The following CENPP variants were observed in gnomAD, a reference collection of about 807,000 sequenced individuals.
The protein encoded by CENPP is centromere protein P.
In CENPP, 24 loss-of-function variants were observed where a neutral mutation model predicts 35.6. That is an observed-to-expected ratio of 0.67 (90% confidence interval 0.49 to 0.95). CENPP has a LOEUF of 0.95. Ranked by LOEUF, CENPP falls within the 40% of genes least tolerant of loss-of-function variation. The pLI, the probability that CENPP is intolerant of heterozygous loss-of-function variation, is 0.00. For missense variants in CENPP, 332 were observed against 345.3 expected (o/e 0.96, Z 0.31); for synonymous variants, 120 against 125.5 (o/e 0.96, Z 0.29).
At chr9:92,518,810 AC>A (rs1482121230) in intron 5 of CENPP, among the ~76,000 whole-genome samples, 1 of 152,092 alleles carries the variant, frequency 6.6e-6, no homozygotes, top group African/African-American at 2.4e-5. Flanking sequence ...AATCGCTTGA[AC>A]CCAGGAGGTG....
chr9:92,571,212 C>G (rs569681826), intron 5 of CENPP, among the ~76,000 whole-genome samples: 2 of 151,818 alleles, frequency 1.3e-5, no homozygotes, highest in African/African-American at 4.8e-5. Flanking sequence ...CTCTTGTGGG[C>G]ATTTAGTGCT....
At chr9:92,522,302 G>T (rs916105759) in intron 5 of CENPP, among the ~76,000 whole-genome samples, 8 of 152,052 alleles carry the variant, frequency 5.3e-5, no homozygotes, top group African/African-American at 1.9e-4. Context: ...TGGCCAGGCT[G>T]GTCTTAAACT....
chr9:92,502,767 T>C, intron 5 of CENPP: 1 of 899,618 alleles, frequency 1.1e-6, no homozygotes. Context: ...TAAAGAGTCT[T>C]ACTGCTCTTT....
chr9:92,603,440 A>T (rs1408910898), intron 5 of CENPP, among the ~76,000 whole-genome samples: 1 of 152,102 alleles, frequency 6.6e-6, no homozygotes, highest in East Asian at 1.9e-4. Flanking sequence ...AGTTTATCAT[A>T]CTTCTCTCAG....
chr9:92,355,961 A>C (rs1841578629), intron 4 of CENPP, among the ~76,000 whole-genome samples: 1 of 152,260 alleles, frequency 6.6e-6, no homozygotes, highest in Non-Finnish European at 1.5e-5. Context: ...TGCATATGCA[A>C]AAACTCTACA....
At chr9:92,386,205 A>G in intron 5 of CENPP, 2 of 1,599,770 alleles carry the variant, frequency 1.3e-6, no homozygotes, top group Non-Finnish European at 1.7e-6. Flanking sequence ...TCATACCTGA[A>G]GATGAATTAC....
intron 5 of CENPP, among the ~76,000 whole-genome samples, chr9:92,532,732 AT>A (rs1588244901): frequency 6.6e-6 from 1 of 151,788 alleles, no homozygotes; most frequent in African/African-American, 2.4e-5. Flanking sequence ...CTCATCTTTT[AT>A]TTTTTTAAAC....
intron 5 of CENPP, among the ~76,000 whole-genome samples, chr9:92,478,598 A>G (rs1371597307): frequency 6.6e-6 from 1 of 152,046 alleles, no homozygotes; most frequent in African/African-American, 2.4e-5. Flanking sequence ...GATTACAGGC[A>G]TGTGCCATCA....
chr9:92,332,381 T>A, intron 2 of CENPP, 30 bp downstream of exon 2: 1 of 1,429,678 alleles, frequency 7.0e-7, no homozygotes, highest in Non-Finnish European at 9.4e-7. Flanking sequence ...CTAGACATAG[T>A]ATGGAAGCTT....
rs374933773 is a variant in CENPP, at chr9:92,332,287, C to T, written c.225C>T (p.Gly75=). The change falls in exon 2 of 8, where the codon GGC becomes GGT. Residue 75 remains glycine, a synonymous_variant. Transcript: ENST00000375587. ...SELSFLSTLT[G]INIRNHSKQT... ...TTTCATTTCTAAGTACGCTTACTGG[C>T]ATCAATATAAGAAATCACTCCAAGC... is the stretch of plus-strand genomic sequence containing the variant. 1.4e-4 allele frequency: 232 copies of T among 1,611,416 alleles called. No individual in the cohort carries two copies. The highest frequency in any genetic ancestry group is 1.9e-4 in the Non-Finnish European group (226 of 1,178,800).
At chr9:92,380,712 G>C (rs2130868593) in intron 5 of CENPP, among the ~76,000 whole-genome samples, 1 of 152,280 alleles carries the variant, frequency 6.6e-6, no homozygotes, top group East Asian at 1.9e-4. Flanking sequence ...ATCATAGGTA[G>C]TCTTAAAATG....
rs2131044391 is a variant in CENPP at position 92,460,626 on chromosome 9, T to C, written c.564+80767T>C. ...GTATCACTAAGCCCAATTGACTATTTGTTTACTTTTCAAGTTTCAGATTAT... is the reference window on the plus strand; with the variant it reads ...GTATCACTAAGCCCAATTGACTATTCGTTTACTTTTCAAGTTTCAGATTAT... On this transcript the variant is annotated intron_variant, in intron 5 of 7. Transcript: ENST00000375587. 2.8e-6 allele frequency: 3 copies of C among 1,079,888 alleles called. No individual in the cohort carries two copies. The South Asian group carries it at 4.3e-5, about 15-fold the overall frequency. 66.9% of individuals were successfully genotyped at this position (1,079,888 alleles called of 1,614,324 possible).
At chr9:92,403,618 T>C (rs1843208957) in intron 5 of CENPP, 1 of 1,208,366 alleles carries the variant, frequency 8.3e-7, no homozygotes, top group Non-Finnish European at 1.0e-6. Context: ...AGTTTTTATG[T>C]ATCAGTGAAC....
At chr9:92,436,365 T>C (rs566732493) in intron 5 of CENPP, among the ~76,000 whole-genome samples, 1 of 152,358 alleles carries the variant, frequency 6.6e-6, no homozygotes, top group Admixed American at 6.5e-5. Context: ...CCTTTTCATC[T>C]TCTTATCAGC....
At chr9:92,425,083 T>A (rs1843927912) in intron 5 of CENPP, among the ~76,000 whole-genome samples, 1 of 152,240 alleles carries the variant, frequency 6.6e-6, no homozygotes, top group Admixed American at 6.5e-5. Context: ...ACATTTCGCA[T>A]TGTTTATTTT....
At chr9:92,470,937 G>A (rs1845490081) in intron 5 of CENPP, among the ~76,000 whole-genome samples, 1 of 152,136 alleles carries the variant, frequency 6.6e-6, no homozygotes, top group African/African-American at 2.4e-5. Context: ...ATTGTTTTGG[G>A]GGAAGACCTC....
chr9:92,400,914 C>T (rs1376340796), intron 5 of CENPP, among the ~76,000 whole-genome samples: 1 of 152,204 alleles, frequency 6.6e-6, no homozygotes, highest in African/African-American at 2.4e-5. Context: ...CCACATTTCT[C>T]ACTCATAATG....
chr9:92,546,332 G>A (rs774704988), intron 5 of CENPP, among the ~76,000 whole-genome samples: 9 of 152,186 alleles, frequency 5.9e-5, no homozygotes, highest in Admixed American at 1.3e-4. Flanking sequence ...CCCACCAGAG[G>A]TCCCCTTCCA....
chr9:92,405,445 T>C (rs983948944), intron 5 of CENPP, among the ~76,000 whole-genome samples: 2 of 152,242 alleles, frequency 1.3e-5, no homozygotes, highest in South Asian at 2.1e-4. Context: ...TAGACAAAAT[T>C]GTTTTAGAAC....
Sources: gnomAD v4.1 joint callset for allele counts (sites outside exome capture counted in the v4.1 genomes callset) on GRCh38, gnomAD v4.1.1 for gene constraint, MANE v1.5 for transcripts, NCBI Gene and HGNC (gene_info 2026-07-23, HGNC 2026-07-21) for gene names.